The following PLD5 variants were observed in gnomAD, a reference collection of about 807,000 sequenced individuals.
The protein encoded by PLD5 is inactive phospholipase D5.
In PLD5, 36 loss-of-function variants were observed where a neutral mutation model predicts 61.1. That is an observed-to-expected ratio of 0.59 (90% CI 0.45 to 0.78). The LOEUF is 0.78. Among genes scored for constraint, PLD5 ranks in the 30% least tolerant of loss-of-function variants. The pLI is 0.00. For synonymous variants in PLD5, 243 were observed against 242.8 expected, an observed-to-expected ratio of 1.00 and a Z score of -0.01; for missense variants, 515 against 644.4, an observed-to-expected ratio of 0.80 and a Z score of 2.17.
intron 1 of PLD5, among the ~76,000 whole-genome samples, chr1:242,474,080 T>C (rs1489233028): frequency 2.0e-5 from 3 of 152,184 alleles, no homozygotes; most frequent in Admixed American, 2.0e-4. Context: ...AAGGAAACAC[T>C]TTTTCCAGAA....
intron 3 of PLD5, among the ~76,000 whole-genome samples, chr1:242,267,398 C>T (rs2149106541): frequency 6.6e-6 from 1 of 152,214 alleles, no homozygotes; most frequent in South Asian, 2.1e-4. Context: ...GGAAGTTGCA[C>T]CATTGCACCT....
At chr1:242,182,868 A>G (rs915953130) in intron 5 of PLD5, among the ~76,000 whole-genome samples, 1 of 152,164 alleles carries the variant, frequency 6.6e-6, no homozygotes, top group Non-Finnish European at 1.5e-5. Flanking sequence ...ATAAATAAAT[A>G]AAAATAAAAA....
chr1:242,168,506 A>T (rs1666487044), intron 5 of PLD5, among the ~76,000 whole-genome samples: 1 of 152,204 alleles, frequency 6.6e-6, no homozygotes, highest in South Asian at 2.1e-4. Flanking sequence ...CAAATTTAAG[A>T]TTACAGTAAT....
At chr1:242,356,511 T>C (rs1660759838) in intron 1 of PLD5, among the ~76,000 whole-genome samples, 1 of 152,130 alleles carries the variant, frequency 6.6e-6, no homozygotes, top group Non-Finnish European at 1.5e-5. Flanking sequence ...TTTTAGTTCA[T>C]TCATCACTCT....
intron 1 of PLD5, among the ~76,000 whole-genome samples, chr1:242,398,566 G>T (rs764139875): frequency 6.6e-6 from 1 of 152,136 alleles, no homozygotes. Context: ...GCAAACTCTT[G>T]TATTGTAATC....
At chr1:242,436,527 A>G (rs1666005968) in intron 1 of PLD5, among the ~76,000 whole-genome samples, 1 of 152,244 alleles carries the variant, frequency 6.6e-6, no homozygotes, top group South Asian at 2.1e-4. Flanking sequence ...TAATTATTAA[A>G]GACAATAGCT....
chr1:242,447,128 C>T (rs1473033999), intron 1 of PLD5, among the ~76,000 whole-genome samples: 3 of 152,232 alleles, frequency 2.0e-5, no homozygotes, highest in African/African-American at 4.8e-5. Context: ...AACTTCTACA[C>T]ATTTTCCTCA....
At chr1:242,509,121 A>T (rs1463933105) in intron 1 of PLD5, among the ~76,000 whole-genome samples, 1 of 151,224 alleles carries the variant, frequency 6.6e-6, no homozygotes, top group Non-Finnish European at 1.5e-5. Flanking sequence ...TCACTTCTGT[A>T]ATCCTAGCAC....
At chr1:242,435,662 A>G (rs933004019) in intron 1 of PLD5, among the ~76,000 whole-genome samples, 1 of 152,198 alleles carries the variant, frequency 6.6e-6, no homozygotes, top group Non-Finnish European at 1.5e-5. Flanking sequence ...AGCTGAAAAA[A>G]ATGTTGTGAC....
chr1:242,157,835 C>G lies in PLD5; in HGVS notation c.736-33170G>C, dbSNP rs72761257. Among the ~76,000 whole-genome samples the G allele has an allele frequency of 3.4e-4, 52 of 152,334 alleles. 1 individual carries two copies. The highest frequency in any genetic ancestry group is 7.1e-4 in the Non-Finnish European group (48 of 68,032). ...AGGCAGTCTGACCCTTAGCAAAGCT[C>G]CAACGCTGTGCTGGGGGATCTGCTG... On this transcript the variant is annotated intron_variant, in intron 5 of 9. Coordinates refer to ENST00000536534, the MANE Select transcript of PLD5 (RefSeq NM_001372062.1).
chr1:242,520,051 C>T (rs1051689771), intron 1 of PLD5, among the ~76,000 whole-genome samples: 2 of 152,190 alleles, frequency 1.3e-5, no homozygotes, highest in Non-Finnish European at 1.5e-5. Context: ...ATGTTCCCTT[C>T]CTTCTGGGTC....
chr1:242,100,241 G>T (rs1660579528), intron 9 of PLD5, among the ~76,000 whole-genome samples: 1 of 152,268 alleles, frequency 6.6e-6, no homozygotes, highest in African/African-American at 2.4e-5. Context: ...TGGGATAATT[G>T]GCTGGGAATT....
intron 1 of PLD5, among the ~76,000 whole-genome samples, chr1:242,507,304 C>A (rs1668760140): frequency 6.6e-6 from 1 of 152,108 alleles, no homozygotes; most frequent in African/African-American, 2.4e-5. Context: ...TCATATGGTA[C>A]TTCATAAACT....
chr1:242,149,385 G>C (rs553483470), intron 5 of PLD5, among the ~76,000 whole-genome samples: 78 of 151,844 alleles, frequency 5.1e-4, no homozygotes, highest in African/African-American at 1.9e-3. Flanking sequence ...TAATTTGCTA[G>C]TATGTTATTG....
At chr1:242,309,547 T>C (rs1392909976) in intron 2 of PLD5, among the ~76,000 whole-genome samples, 1 of 152,072 alleles carries the variant, frequency 6.6e-6, no homozygotes, top group Non-Finnish European at 1.5e-5. Context: ...CTAATTTTTG[T>C]ATTTTTAGTA....
At chr1:242,225,414 GT>G (rs1235220409) in intron 4 of PLD5, among the ~76,000 whole-genome samples, 4 of 148,006 alleles carry the variant, frequency 2.7e-5, no homozygotes, top group Non-Finnish European at 5.9e-5. Flanking sequence ...CATTCATGCT[GT>G]TATGTGGAAC....
chr1:242,413,791 C>G (rs1466180662), intron 1 of PLD5, among the ~76,000 whole-genome samples: 1 of 152,074 alleles, frequency 6.6e-6, no homozygotes, highest in African/African-American at 2.4e-5. Context: ...AGGTTTGAAG[C>G]AATCTGAAGC....
intron 1 of PLD5, among the ~76,000 whole-genome samples, chr1:242,432,044 C>T (rs767455610): frequency 2.0e-5 from 3 of 152,088 alleles, no homozygotes; most frequent in African/African-American, 7.2e-5. Context: ...GGGGGCACAA[C>T]GGTAGTGGAA....
At chr1:242,323,645 G>A (rs1379546826) in intron 2 of PLD5, among the ~76,000 whole-genome samples, 4 of 152,136 alleles carry the variant, frequency 2.6e-5, no homozygotes, top group Admixed American at 6.5e-5. Flanking sequence ...AGCTGCATAG[G>A]AACTGCTGCC....
Sources: allele counts gnomAD v4.1 joint callset (sites outside exome capture counted in the v4.1 genomes callset), GRCh38; gene constraint gnomAD v4.1.1; transcripts MANE v1.5; gene names NCBI Gene and HGNC (gene_info 2026-07-23, HGNC 2026-07-21).